Variants in PDGFC observed in about 807,000 individuals in gnomAD.
PDGFC encodes platelet derived growth factor C.
Under a neutral mutation model 35.5 loss-of-function variants are expected in PDGFC, and 12 were observed. The ratio of observed to expected loss-of-function variants is 0.34; its 90% CI spans 0.22 to 0.55. The LOEUF is 0.55. Ranked by LOEUF, PDGFC falls within the 20% of genes least tolerant of loss-of-function variation. The pLI is 0.91. For synonymous variants in PDGFC, 159 were observed against 148.8 expected (o/e 1.07, Z -0.50); for missense variants, 322 against 412.4 (o/e 0.78, Z 1.90).
At chr4:156,899,987 A>G (rs1469808178) in intron 1 of PDGFC, among the ~76,000 whole-genome samples, 1 of 152,178 alleles carries the variant, frequency 6.6e-6, no homozygotes, top group Non-Finnish European at 1.5e-5. Flanking sequence ...CTGACTTATC[A>G]TAATTCATTT....
At chr4:156,914,773 C>T (rs1176227124) in intron 1 of PDGFC, among the ~76,000 whole-genome samples, 1 of 152,142 alleles carries the variant, frequency 6.6e-6, no homozygotes. Flanking sequence ...GAATTATATG[C>T]TCAGATTGCT....
intron 1 of PDGFC, among the ~76,000 whole-genome samples, chr4:156,886,289 C>T (rs1730373490): frequency 6.6e-6 from 1 of 152,086 alleles, no homozygotes; most frequent in Non-Finnish European, 1.5e-5. Flanking sequence ...TAGTAAAATG[C>T]CAATGTGCTA....
At chr4:156,812,300 C>T (rs1731955475) in intron 2 of PDGFC, among the ~76,000 whole-genome samples, 1 of 151,848 alleles carries the variant, frequency 6.6e-6, no homozygotes, top group Admixed American at 6.6e-5. Context: ...CTTTATTTTT[C>T]TAGGGTAATT....
At chr4:156,822,516 G>A (rs2110982645) in intron 2 of PDGFC, among the ~76,000 whole-genome samples, 1 of 151,916 alleles carries the variant, frequency 6.6e-6, no homozygotes, top group African/African-American at 2.4e-5. Flanking sequence ...ATCACAATAA[G>A]GCTTGTAAAA....
intron 2 of PDGFC, among the ~76,000 whole-genome samples, chr4:156,846,285 A>C (rs1043465328): frequency 3.3e-5 from 5 of 151,876 alleles, no homozygotes; most frequent in African/African-American, 1.2e-4. Flanking sequence ...CATGTCACTG[A>C]TAATGCAAGA....
intron 1 of PDGFC, among the ~76,000 whole-genome samples, chr4:156,964,526 G>A (rs1732420769): frequency 1.3e-5 from 2 of 150,994 alleles, no homozygotes; most frequent in Admixed American, 6.6e-5. Flanking sequence ...TGATTATTAT[G>A]AGATTGTTTC....
At chr4:156,902,102 C>T (rs1307846898) in intron 1 of PDGFC, among the ~76,000 whole-genome samples, 1 of 152,140 alleles carries the variant, frequency 6.6e-6, no homozygotes, top group Non-Finnish European at 1.5e-5. Flanking sequence ...TATGCTTATA[C>T]AGGAAATCCA....
chr4:156,801,734 T>A (rs937478713), intron 3 of PDGFC, among the ~76,000 whole-genome samples: 4 of 152,342 alleles, frequency 2.6e-5, no homozygotes, highest in Non-Finnish European at 5.9e-5. Flanking sequence ...AAATGGTAAT[T>A]GTGGCTCTGT....
intron 2 of PDGFC, among the ~76,000 whole-genome samples, chr4:156,832,992 T>C (rs1728982033): frequency 6.6e-6 from 1 of 152,336 alleles, no homozygotes; most frequent in South Asian, 2.1e-4. Flanking sequence ...ATTGAGAAAC[T>C]GATCACTGTT....
At chr4:156,848,710 G>C (rs28534778) in intron 2 of PDGFC, among the ~76,000 whole-genome samples, 8,858 of 151,970 alleles carry the variant, frequency 0.058, 865 homozygotes, top group African/African-American at 0.2. Flanking sequence ...ATCACACATA[G>C]AGAAATATGT....
At chr4:156,785,315 C>A (rs1579006835) in intron 3 of PDGFC, among the ~76,000 whole-genome samples, 1 of 152,146 alleles carries the variant, frequency 6.6e-6, no homozygotes, top group East Asian at 1.9e-4. Context: ...GATTCTTCTG[C>A]CTCAGGCTGC....
At position 156,793,562 on chromosome 4, in the gene PDGFC, T is replaced by A. The variant is rs71607131; in HGVS notation, c.495+17275A>T. ...ATATATATATATATATATATATATATAAAACACTTTAAAATGTTATATGTG... is the reference window on the plus strand; with the variant it reads ...ATATATATATATATATATATATATAAAAAACACTTTAAAATGTTATATGTG... On this transcript the variant is annotated intron_variant, in intron 3 of 5. Coordinates refer to ENST00000502773, the MANE Select transcript of PDGFC (RefSeq NM_016205.3). Among the ~76,000 whole-genome samples the A allele has an allele frequency of 7.4e-3, 1,013 of 136,122 alleles. 4 individuals carry two copies. Among genetic ancestry groups the A allele is most frequent in the Middle Eastern group, 0.012 (3 of 250 alleles). The allele number at this position is 136,122 out of a possible 152,430, so 89.3% of individuals were successfully genotyped here. A position where few individuals can be genotyped will look rare whatever the true frequency, so the allele number is the denominator to read the frequency against.
chr4:156,874,519 G>C (rs1730062309), intron 1 of PDGFC, among the ~76,000 whole-genome samples: 1 of 151,960 alleles, frequency 6.6e-6, no homozygotes, highest in African/African-American at 2.4e-5. Context: ...TATATGCTTT[G>C]CCAAGAATTT....
intron 1 of PDGFC, among the ~76,000 whole-genome samples, chr4:156,862,554 T>A (rs1213365206): frequency 6.6e-6 from 1 of 152,180 alleles, no homozygotes; most frequent in African/African-American, 2.4e-5. Context: ...TGCCATGGTC[T>A]GTGAGTTGAT....
At chr4:156,861,350 T>A in intron 1 of PDGFC, 1 of 462,394 alleles carries the variant, frequency 2.2e-6, no homozygotes, top group South Asian at 1.9e-5. Context: ...GTATCAAGCT[T>A]AATTACATGA....
chr4:156,880,003 A>C (rs1005896531), intron 1 of PDGFC, among the ~76,000 whole-genome samples: 3 of 152,230 alleles, frequency 2.0e-5, no homozygotes, highest in Non-Finnish European at 4.4e-5. Flanking sequence ...GGAAGCCAGC[A>C]GACGTTGGTT....
intron 3 of PDGFC, among the ~76,000 whole-genome samples, chr4:156,797,359 C>T (rs1731473928): frequency 6.6e-6 from 1 of 152,076 alleles, no homozygotes; most frequent in African/African-American, 2.4e-5. Context: ...CCCACTTCAA[C>T]CAGAATAGGT....
intron 4 of PDGFC, chr4:156,770,357 A>G (rs538867330): frequency 6.6e-6 from 1 of 152,186 alleles, no homozygotes; most frequent in South Asian, 2.1e-4. Context: ...ATAACTAAGG[A>G]TTTTAAATTT....
intron 1 of PDGFC, chr4:156,967,872 C>T (rs1383924173): frequency 6.6e-6 from 1 of 152,162 alleles, no homozygotes. Flanking sequence ...AATCTGAAGA[C>T]TCTTGTTTTC....
Sources: allele counts gnomAD v4.1 joint callset (sites outside exome capture counted in the v4.1 genomes callset), GRCh38; gene constraint gnomAD v4.1.1; transcripts MANE v1.5; gene names NCBI Gene and HGNC (gene_info 2026-07-23, HGNC 2026-07-21).